GADL1: variants seen among roughly 807,000 people sequenced by gnomAD.
GADL1 encodes acidic amino acid decarboxylase GADL1.
A neutral mutation model predicts 69.5 loss-of-function variants in GADL1; 71 were observed. The ratio of observed to expected loss-of-function variants is 1.02; its 90% CI spans 0.84 to 1.25. The LOEUF (loss-of-function observed/expected upper bound fraction) is 1.25, where lower values mean the gene tolerates loss of function less well. GADL1 is among the 50% of genes most tolerant of loss of function. The pLI, the probability that GADL1 is intolerant of heterozygous loss-of-function variation, is 0.00. For synonymous variants in GADL1, 254 were observed against 214.4 expected (o/e 1.18, Z -1.62); for missense variants, 737 against 631.8 (o/e 1.17, Z -1.79).
At chr3:30,758,549 T>G (rs795450) in intron 14 of GADL1, among the ~76,000 whole-genome samples, 64,246 of 152,066 alleles carry the variant, frequency 0.42, 13,647 homozygotes, top group Non-Finnish European at 0.44. Flanking sequence ...TTGAGAGGAC[T>G]CTAAATGAGA....
chr3:30,878,839 T>C (rs1698609142), intron 1 of GADL1, among the ~76,000 whole-genome samples: 1 of 151,868 alleles, frequency 6.6e-6, no homozygotes, highest in South Asian at 2.1e-4. Context: ...TGAGCCCACA[T>C]TGCTGAAAAA....
chr3:30,829,013 T>G (rs953487235), intron 11 of GADL1, among the ~76,000 whole-genome samples: 2 of 151,918 alleles, frequency 1.3e-5, no homozygotes, highest in East Asian at 1.9e-4. Flanking sequence ...AAAATCTGTC[T>G]CATAAACACT....
intron 1 of GADL1, among the ~76,000 whole-genome samples, chr3:30,873,575 A>G (rs1285827475): frequency 6.6e-6 from 1 of 152,010 alleles, no homozygotes; most frequent in Non-Finnish European, 1.5e-5. Context: ...TCCTAAAGCA[A>G]TAAGCGATTA....
chr3:30,850,853 C>T lies in GADL1; in HGVS notation c.517G>A (p.Asp173Asn). The change falls in exon 5 of 15, where the codon GAT becomes AAT. Residue 173 changes from aspartate (D) to asparagine (N), a missense_variant. Coordinates refer to ENST00000282538, the MANE Select transcript of GADL1 (RefSeq NM_207359.3). ...TACTCACCTGGGTTAAATATTCCAT[C>T]CCCTTCTTTCCAGCCAATAAATTCA... ...MIEFIGWKEG[D>N]GIFNPGGSVS... The T allele has an allele frequency of 1.3e-6, 2 of 1,546,812 alleles. No homozygotes were observed. The highest frequency in any genetic ancestry group is 1.8e-6 in the Non-Finnish European group (2 of 1,142,726).
At chr3:30,854,919 T>A (rs1698204513) in intron 3 of GADL1, 130 bp from the exon 4 acceptor site, 1 of 572,742 alleles carries the variant, frequency 1.7e-6, no homozygotes, top group Non-Finnish European at 3.1e-6. Flanking sequence ...ATAACGTAAT[T>A]CCATTTATAT....
intron 14 of GADL1, among the ~76,000 whole-genome samples, chr3:30,748,956 C>T (rs576058555): frequency 4.1e-4 from 62 of 152,270 alleles, no homozygotes; most frequent in African/African-American, 1.5e-3. Context: ...TCTAAACTTC[C>T]CACAGAGGGA....
At chr3:30,802,842 G>A (rs1697189925) in intron 11 of GADL1, among the ~76,000 whole-genome samples, 1 of 152,314 alleles carries the variant, frequency 6.6e-6, no homozygotes, top group African/African-American at 2.4e-5. Flanking sequence ...GCTCACACCT[G>A]TAATCCCAAC....
rs565439201 is a variant in GADL1 at position 30,742,872 on chromosome 3, C to G, written c.1393-14457G>C. On this transcript the variant is annotated intron_variant, in intron 14 of 14. Transcript: ENST00000282538. ...AAGTGGGAGAAGTAATTTTGGATTA[C>G]TTTTTTTATTTACTTGTTCAGAGAT... Among the ~76,000 whole-genome samples, 7 of 151,988 alleles carry G rather than the reference C, an allele frequency of 4.6e-5. No homozygotes were observed. In the South Asian group the frequency reaches 1.5e-3, roughly 32 times the overall value.
intron 12 of GADL1, among the ~76,000 whole-genome samples, chr3:30,791,549 CT>C (rs1559500927): frequency 6.6e-6 from 1 of 152,128 alleles, no homozygotes; most frequent in East Asian, 1.9e-4. Context: ...TTTTAAAATG[CT>C]TGTCAAACTG....
chr3:30,759,352 CCTT>C (rs535143868), intron 14 of GADL1, among the ~76,000 whole-genome samples: 129 of 152,310 alleles, frequency 8.5e-4, no homozygotes, highest in African/African-American at 2.9e-3. Flanking sequence ...GAGCTCTTGC[CCTT>C]CTTTCTGTAC....
chr3:30,764,895 A>C (rs1251248861), intron 14 of GADL1, among the ~76,000 whole-genome samples: 2 of 151,310 alleles, frequency 1.3e-5, no homozygotes, highest in African/African-American at 4.9e-5. Flanking sequence ...CCTACCCCTA[A>C]AACAGTGAGG....
At chr3:30,874,046 T>A (rs1211931842) in intron 1 of GADL1, among the ~76,000 whole-genome samples, 1 of 151,916 alleles carries the variant, frequency 6.6e-6, no homozygotes, top group Non-Finnish European at 1.5e-5. Flanking sequence ...AACTGCCTTC[T>A]AGGGAGGGAG....
intron 6 of GADL1, among the ~76,000 whole-genome samples, chr3:30,846,232 CA>C (rs1266198136): frequency 1.3e-5 from 2 of 152,164 alleles, no homozygotes; most frequent in East Asian, 3.9e-4. Context: ...CATTTAGAAA[CA>C]AACAGTGGCG....
chr3:30,805,456 A>AT (rs1381745818), intron 11 of GADL1, among the ~76,000 whole-genome samples: 5 of 151,544 alleles, frequency 3.3e-5, no homozygotes, highest in Non-Finnish European at 4.4e-5. Flanking sequence ...TCAAACTCTT[A>AT]TTTTTTCCTA....
chr3:30,762,212 G>A (rs1008709937), intron 14 of GADL1, among the ~76,000 whole-genome samples: 2 of 152,124 alleles, frequency 1.3e-5, no homozygotes, highest in Non-Finnish European at 2.9e-5. Flanking sequence ...AGGGGCTTGG[G>A]GTAGTGACGA....
intron 12 of GADL1, 84 bp from the exon 13 acceptor site, chr3:30,786,490 A>T (rs1696792935): frequency 1.3e-6 from 1 of 758,392 alleles, no homozygotes; most frequent in Admixed American, 1.9e-5. Context: ...ACTGATTCAG[A>T]CAGGGCTTGG....
At chr3:30,747,607 A>G (rs1427829555) in intron 14 of GADL1, among the ~76,000 whole-genome samples, 3 of 152,136 alleles carry the variant, frequency 2.0e-5, no homozygotes, top group Non-Finnish European at 2.9e-5. Flanking sequence ...ATGGATTTTT[A>G]GTTTGTTTGT....
chr3:30,827,967 A>G (rs1448714126), intron 11 of GADL1, among the ~76,000 whole-genome samples: 1 of 151,888 alleles, frequency 6.6e-6, no homozygotes, highest in Non-Finnish European at 1.5e-5. Flanking sequence ...ATTAGCTGGT[A>G]GGCTGTCATT....
intron 1 of GADL1, among the ~76,000 whole-genome samples, chr3:30,888,994 T>C (rs1671666889): frequency 6.8e-6 from 1 of 147,414 alleles, no homozygotes; most frequent in Non-Finnish European, 1.5e-5. Context: ...TTCATACCTC[T>C]ATTCGCAAAT....
Sources: gnomAD v4.1 joint callset for allele counts (sites outside exome capture counted in the v4.1 genomes callset) on GRCh38, gnomAD v4.1.1 for gene constraint, MANE v1.5 for transcripts, NCBI Gene and HGNC (gene_info 2026-07-23, HGNC 2026-07-21) for gene names.